ABCA13: variants seen among roughly 807,000 people sequenced by gnomAD.
ABCA13 encodes the protein ATP-binding cassette sub-family A member 13.
Under a neutral mutation model 478.7 loss-of-function variants are expected in ABCA13, and 476 were observed. That is an observed-to-expected ratio of 0.99 (90% CI 0.92 to 1.07). The LOEUF is 1.07. Ranked by LOEUF, ABCA13 falls within the 50% of genes least tolerant of loss-of-function variation. ABCA13 has a pLI of 0.00. For synonymous variants in ABCA13, 2,252 were observed against 2,158.9 expected (o/e 1.04, Z -1.20); for missense variants, 6,060 against 5,910.6 (o/e 1.03, Z -0.83).
chr7:48,341,858 T>TATATATATATATTTCTG (rs1563084542), intron 29 of ABCA13, among the ~76,000 whole-genome samples: 1 of 86,718 alleles, frequency 1.2e-5, no homozygotes, highest in Non-Finnish European at 2.3e-5. Context: ...ATCTTTCTGA[T>TATATATATATATTTCTG]ATATATATAT....
intron 56 of ABCA13, among the ~76,000 whole-genome samples, chr7:48,581,990 G>T (rs1478615657): frequency 1.3e-5 from 2 of 152,280 alleles, no homozygotes; most frequent in East Asian, 3.9e-4. Flanking sequence ...GGAAAATAAA[G>T]TTTTATCTTT....
intron 32 of ABCA13, among the ~76,000 whole-genome samples, chr7:48,369,212 T>C (rs1186561451): frequency 6.6e-6 from 1 of 152,114 alleles, no homozygotes; most frequent in African/African-American, 2.4e-5. Context: ...CTTTTGAGAA[T>C]TGTCTGTTCA....
rs1285473356 is a variant in ABCA13, at chr7:48,471,564, T to C, written c.12940T>C (p.Ser4314Pro). The C allele has an allele frequency of 1.9e-6, 3 of 1,564,594 alleles. No individual in the cohort carries two copies. The highest frequency in any genetic ancestry group is 2.6e-6 in the Non-Finnish European group (3 of 1,152,406). The part of the protein sequence containing the change: ...NSSCWRTDPF[S>P]HPEFQDSCGC... ...TTCATGCTGGCGCACAGATCCCTTTTCTCACCCAGAATTCCAGGATTCATG... is the reference window on the plus strand; with the variant it reads ...TTCATGCTGGCGCACAGATCCCTTTCCTCACCCAGAATTCCAGGATTCATG... The change falls in exon 45 of 62, where the codon TCT becomes CCT. Residue 4314 changes from serine (S) to proline (P), a missense_variant. Coordinates refer to ENST00000435803, the MANE Select transcript of ABCA13 (RefSeq NM_152701.5).
chr7:48,179,412 G>A (rs1218687274), intron 1 of ABCA13, among the ~76,000 whole-genome samples: 1 of 152,156 alleles, frequency 6.6e-6, no homozygotes, highest in Non-Finnish European at 1.5e-5. Flanking sequence ...TCCTGTCGGG[G>A]ATGTTTTCCT....
In ABCA13 at chr7:48,367,871, G is replaced by A; in HGVS notation, c.10766G>A (p.Arg3589Lys). The A allele has an allele frequency of 1.9e-6, 3 of 1,580,970 alleles. No individual in the cohort carries two copies. The highest frequency in any genetic ancestry group is 1.2e-5 in the South Asian group (1 of 85,980). Reference sequence around the variant, plus strand: ...ATGGTGTCTGTGGCCAGCATGGTCAGAAAGTTGGTGTATGAGCAGGAGATA... The same window carrying A: ...ATGGTGTCTGTGGCCAGCATGGTCAAAAAGTTGGTGTATGAGCAGGAGATA... ...TWMVSVASMVRKLVYEQEIQI... is the reference protein window; with the variant it reads ...TWMVSVASMVKKLVYEQEIQI... Residue 3589 changes from arginine (R) to lysine (K), a missense_variant, in exon 32 of 62, where the codon AGA becomes AAA. Physicochemically the swap from Arg to Lys is conservative, Grantham distance 26. Transcript: ENST00000435803.
intron 7 of ABCA13, among the ~76,000 whole-genome samples, chr7:48,231,876 G>A (rs537556625): frequency 6.6e-6 from 1 of 152,130 alleles, no homozygotes; most frequent in African/African-American, 2.4e-5. Flanking sequence ...TGGCCAGGCT[G>A]GTCTCAAACT....
chr7:48,267,396 A>G (rs1303057957), intron 15 of ABCA13, among the ~76,000 whole-genome samples: 1 of 152,142 alleles, frequency 6.6e-6, no homozygotes, highest in Non-Finnish European at 1.5e-5. Context: ...TACTTTTATC[A>G]TCATGAAATG....
chr7:48,416,939 C>T (rs987835739), intron 41 of ABCA13, among the ~76,000 whole-genome samples: 4 of 147,060 alleles, frequency 2.7e-5, no homozygotes, highest in South Asian at 4.2e-4. Context: ...ACTGCATATA[C>T]CTTTTTTTTT....
chr7:48,348,320 A>C (rs1808420311), intron 29 of ABCA13, among the ~76,000 whole-genome samples: 1 of 151,962 alleles, frequency 6.6e-6, no homozygotes, highest in South Asian at 2.1e-4. Flanking sequence ...AGAAGACTCG[A>C]CGCTGTGGAT....
chr7:48,435,225 G>A (rs572339319), intron 42 of ABCA13, among the ~76,000 whole-genome samples: 188 of 151,828 alleles, frequency 1.2e-3, no homozygotes, highest in African/African-American at 4.2e-3. Context: ...TTGCCCTCAT[G>A]ATTAAGTTAA....
rs752336001 is a variant in ABCA13, at chr7:48,275,237, T to C, written c.5571T>C (p.Ser1857=). ...MSSSFYGKVA[S]ILDHFHLSPQ... is the part of the protein sequence containing the mutation. ...CTTCCTTTTATGGCAAAGTGGCCAG[T>C]ATACTTGATCATTTCCACCTGTCTC... Residue 1857 remains serine, a synonymous_variant, in exon 17 of 62, where the codon AGT becomes AGC. Transcript: ENST00000435803. The C allele has an allele frequency of 3.7e-6, 6 of 1,613,826 alleles. No individual in the cohort carries two copies. The highest frequency in any genetic ancestry group is 2.7e-5 in the African/African-American group (2 of 74,924).
chr7:48,338,355 T>G lies in ABCA13; in HGVS notation c.10114-10T>G. On this transcript the variant is annotated splice_polypyrimidine_tract_variant and intron_variant, in intron 28 of 61. Coordinates refer to ENST00000435803, the MANE Select transcript of ABCA13 (RefSeq NM_152701.5). ...AATTATTTTTATTAAGCTATATTAT[T>G]TTTCTTTAGGAGGCCCTGAGAAACA... 6.4e-7 allele frequency: 1 copy of G among 1,561,284 alleles called. No homozygotes were observed. Among genetic ancestry groups the G allele is most frequent in the Non-Finnish European group, 8.7e-7 (1 of 1,149,300 alleles).
At chr7:48,437,969 T>C (rs1823065660) in intron 42 of ABCA13, among the ~76,000 whole-genome samples, 1 of 152,100 alleles carries the variant, frequency 6.6e-6, no homozygotes, top group Non-Finnish European at 1.5e-5. Context: ...TGTATTCCCC[T>C]ATCTATAATC....
chr7:48,524,401 T>C lies in ABCA13; in HGVS notation c.14205T>C (p.Ile4735=). The C allele has an allele frequency of 6.2e-7, 1 of 1,612,966 alleles. No individual in the cohort carries two copies. The highest frequency in any genetic ancestry group is 2.2e-5 in the East Asian group (1 of 44,764). Residue 4735 remains isoleucine (I), a synonymous_variant, in exon 54 of 62, where the codon ATT becomes ATC. Coordinates refer to ENST00000435803, the MANE Select transcript of ABCA13 (RefSeq NM_152701.5). ...ATCGACGCTTTTTCCAGAATATTATTGCTGTGCAAGATATTAGTTTGGGCA... is the reference window on the plus strand; with the variant it reads ...ATCGACGCTTTTTCCAGAATATTATCGCTGTGCAAGATATTAGTTTGGGCA... The part of the protein sequence containing the change: ...KHYRRFFQNI[I]AVQDISLGIP...
chr7:48,241,860 T>C (rs1415761007), intron 10 of ABCA13, among the ~76,000 whole-genome samples: 2 of 152,202 alleles, frequency 1.3e-5, no homozygotes, highest in African/African-American at 2.4e-5. Context: ...CTGGAACTTT[T>C]AGCAAACAGG....
At chr7:48,174,818 T>C (rs1794623300) in intron 1 of ABCA13, among the ~76,000 whole-genome samples, 1 of 152,266 alleles carries the variant, frequency 6.6e-6, no homozygotes, top group Non-Finnish European at 1.5e-5. Context: ...TAAAAGTTAC[T>C]GTATGGTCTT....
At chr7:48,638,163 A>C (rs1048844631) in intron 59 of ABCA13, among the ~76,000 whole-genome samples, 3 of 152,184 alleles carry the variant, frequency 2.0e-5, no homozygotes, top group African/African-American at 7.2e-5. Context: ...CATCATGGAG[A>C]GCCTCATGGA....
chr7:48,175,646 C>G (rs1015579082), intron 1 of ABCA13, among the ~76,000 whole-genome samples: 1 of 152,144 alleles, frequency 6.6e-6, no homozygotes, highest in African/African-American at 2.4e-5. Context: ...GCCTAGAACT[C>G]CTGACCTCAG....
intron 32 of ABCA13, 61 bp downstream of exon 32, chr7:48,367,969 G>A (rs1811942966): frequency 1.5e-6 from 2 of 1,359,362 alleles, no homozygotes; most frequent in African/African-American, 2.9e-5. Flanking sequence ...CTTTGGAAAT[G>A]GATCTTGTCC....
Sources: allele counts gnomAD v4.1 joint callset (sites outside exome capture counted in the v4.1 genomes callset), GRCh38; gene constraint gnomAD v4.1.1; transcripts MANE v1.5; gene names NCBI Gene and HGNC (gene_info 2026-07-23, HGNC 2026-07-21).